ROCK1: variants seen among roughly 807,000 people sequenced by gnomAD.
ROCK1 encodes the protein Rho associated coiled-coil containing protein kinase 1.
In ROCK1, 36 loss-of-function variants were observed where a neutral mutation model predicts 196.8. That is an observed-to-expected ratio of 0.18 (90% CI 0.14 to 0.24). ROCK1 has a LOEUF of 0.24. ROCK1 is among the 10% of genes least tolerant of loss of function. ROCK1 has a pLI of 1.00. For missense variants in ROCK1, 920 were observed against 1,562.0 expected, an observed-to-expected ratio of 0.59 and a Z score of 6.93; for synonymous variants, 443 against 515.9, an observed-to-expected ratio of 0.86 and a Z score of 1.91.
intron 22 of ROCK1, among the ~76,000 whole-genome samples, chr18:20,975,920 C>G (rs2035476259): frequency 6.6e-6 from 1 of 152,152 alleles, no homozygotes; most frequent in Non-Finnish European, 1.5e-5. Flanking sequence ...CAATATGTGG[C>G]ACTTTTAATC....
intron 18 of ROCK1, among the ~76,000 whole-genome samples, chr18:20,989,350 G>A (rs573634106): frequency 3.9e-4 from 60 of 152,290 alleles, no homozygotes; most frequent in Middle Eastern, 3.4e-3. Context: ...CATTAACTAG[G>A]TTAGTGAGAA....
In ROCK1 at chr18:21,044,037, A is replaced by G. The variant is rs945416026; in HGVS notation, c.675+65T>C. ...ACACCATTTTCTAAAGAATTCTTAA[A>G]CCATTTTCTAAAGAAGCATCTACCT... On this transcript the variant is annotated intron_variant, in intron 6 of 32. Coordinates refer to ENST00000399799, the MANE Select transcript of ROCK1 (RefSeq NM_005406.3). 52 of 963,412 alleles carry G rather than the reference A, an allele frequency of 5.4e-5. No individual in the cohort carries two copies. In the African/African-American group the frequency reaches 7.2e-4, roughly 13 times the overall value. 59.7% of individuals were successfully genotyped at this position (963,412 alleles called of 1,614,324 possible).
intron 9 of ROCK1, among the ~76,000 whole-genome samples, chr18:21,035,925 T>C (rs1353773298): frequency 1.3e-5 from 2 of 152,188 alleles, no homozygotes; most frequent in African/African-American, 4.8e-5. Context: ...AATGGAGAGT[T>C]ACTATTTAAG....
intron 1 of ROCK1, among the ~76,000 whole-genome samples, chr18:21,079,107 C>T (rs1236985086): frequency 6.6e-6 from 1 of 152,142 alleles, no homozygotes; most frequent in East Asian, 1.9e-4. Context: ...AGAGGTTTAG[C>T]TGTGGTCTTT....
At chr18:20,975,025 A>G (rs2035466482) in intron 22 of ROCK1, among the ~76,000 whole-genome samples, 1 of 152,248 alleles carries the variant, frequency 6.6e-6, no homozygotes, top group African/African-American at 2.4e-5. Flanking sequence ...TTACAATTGT[A>G]GGTGCTAGAC....
Position 20,991,340 on chromosome 18 carries a change from G to A in ROCK1, c.1993-14C>T. On this transcript the variant is annotated splice_polypyrimidine_tract_variant and intron_variant, in intron 17 of 32. Transcript: ENST00000399799. ...ATTATTCTTTTCCTGTAAAATGGGA[G>A]TAGGAGTCATGTAATAAACTGTGCA... 6.4e-7 allele frequency: 1 copy of A among 1,561,038 alleles called. No homozygotes were observed. The highest frequency in any genetic ancestry group is 8.7e-7 in the Non-Finnish European group (1 of 1,143,666).
chr18:21,029,316 G>A (rs910538671), intron 9 of ROCK1, among the ~76,000 whole-genome samples: 3 of 152,086 alleles, frequency 2.0e-5, no homozygotes, highest in Admixed American at 2.0e-4. Flanking sequence ...CGAAAAAATT[G>A]TTTAGCTTTA....
At position 20,960,202 on chromosome 18, in the gene ROCK1, T is replaced by C; in HGVS notation, c.3357A>G (p.Ser1119=). 1 of 1,574,478 alleles carries C rather than the reference T, an allele frequency of 6.4e-7. No homozygotes were observed. The change falls in exon 28 of 33, where the codon TCA becomes TCG. Residue 1119 remains serine, a synonymous_variant. Transcript: ENST00000399799. ...ADETDGNLPE[S]RIEGWLSVPN... is the part of the protein sequence containing the mutation. ...GTACTGAAAGCCAACCTTCAATTCTTGACTCTAGGAGAAAAAGAATATATG... is the reference window on the plus strand; with the variant it reads ...GTACTGAAAGCCAACCTTCAATTCTCGACTCTAGGAGAAAAAGAATATATG...
intron 22 of ROCK1, among the ~76,000 whole-genome samples, chr18:20,978,492 G>T (rs1198470438): frequency 6.6e-6 from 1 of 152,158 alleles, no homozygotes; most frequent in East Asian, 1.9e-4. Context: ...TGACTACTGA[G>T]CACCTGAAAT....
intron 2 of ROCK1, among the ~76,000 whole-genome samples, chr18:21,055,377 A>G (rs2036238168): frequency 6.6e-6 from 1 of 152,038 alleles, no homozygotes; most frequent in African/African-American, 2.4e-5. Flanking sequence ...CACCTCCCAC[A>G]GCTCTCCCAC....
chr18:21,026,253 T>C (rs1458739532), intron 10 of ROCK1, among the ~76,000 whole-genome samples: 1 of 152,040 alleles, frequency 6.6e-6, no homozygotes, highest in African/African-American at 2.4e-5. Context: ...GAGACCAGCC[T>C]GACCAACATG....
chr18:20,986,629 A>C (rs955051906), intron 19 of ROCK1, among the ~76,000 whole-genome samples: 4 of 152,186 alleles, frequency 2.6e-5, no homozygotes, highest in African/African-American at 9.7e-5. Context: ...TTCTTTGGGG[A>C]TATAAGATGC....
rs1484830631 is a variant in ROCK1, at chr18:20,947,984, C to A, written c.*3400G>T. 6 of 151,866 alleles carry A rather than the reference C, an allele frequency of 4.0e-5. No homozygotes were observed. Among genetic ancestry groups the A allele is most frequent in the Admixed American group, 3.9e-4 (6 of 15,234 alleles). 9.4% of individuals were successfully genotyped at this position (151,866 alleles called of 1,614,324 possible). The stretch of plus-strand genomic sequence containing the variant: ...AATTAGCTGGGCATGGTGGTGGGCA[C>A]CTGTAATCCCAGCTACTCGGGAGTC... On this transcript the variant is annotated 3_prime_UTR_variant, in exon 33 of 33. Transcript: ENST00000399799.
intron 16 of ROCK1, among the ~76,000 whole-genome samples, chr18:20,997,437 A>T (rs2035681732): frequency 1.3e-5 from 2 of 152,238 alleles, no homozygotes; most frequent in South Asian, 2.1e-4. Context: ...CAATTCAGCA[A>T]GAGAATATAA....
At chr18:21,066,716 A>G (rs1174916814) in intron 2 of ROCK1, among the ~76,000 whole-genome samples, 1 of 152,098 alleles carries the variant, frequency 6.6e-6, no homozygotes. Flanking sequence ...GGCTTTTTTC[A>G]CTTAACAGAA....
intron 27 of ROCK1, among the ~76,000 whole-genome samples, chr18:20,966,373 T>C (rs964160692): frequency 2.6e-5 from 4 of 152,160 alleles, no homozygotes; most frequent in African/African-American, 9.7e-5. Flanking sequence ...ATTCCTGCCT[T>C]TATTTGACAC....
chr18:21,092,580 TAAAAAAAAAA>T (rs35799573), intron 1 of ROCK1, among the ~76,000 whole-genome samples: 4 of 81,142 alleles, frequency 4.9e-5, no homozygotes, highest in African/African-American at 1.6e-4. Flanking sequence ...ACCTCATCTT[TAAAAAAAAAA>T]AAAAAAAAAA....
chr18:21,028,674 TG>T (rs1246762071), intron 10 of ROCK1, 101 bp downstream of exon 10: 1 of 963,764 alleles, frequency 1.0e-6, no homozygotes, highest in African/African-American at 1.7e-5. Flanking sequence ...CATAATAAGG[TG>T]TATCTTTATA....
intron 2 of ROCK1, among the ~76,000 whole-genome samples, chr18:21,058,469 T>C (rs1413260695): frequency 6.6e-6 from 1 of 152,186 alleles, no homozygotes; most frequent in Non-Finnish European, 1.5e-5. Flanking sequence ...AGAATACTGC[T>C]ACTCTGCCTA....
Sources: gnomAD v4.1 joint callset for allele counts (sites outside exome capture counted in the v4.1 genomes callset) on GRCh38, gnomAD v4.1.1 for gene constraint, MANE v1.5 for transcripts, NCBI Gene and HGNC (gene_info 2026-07-23, HGNC 2026-07-21) for gene names.